TRIM48: variants seen among roughly 807,000 people sequenced by gnomAD.
TRIM48 encodes the protein E3 ubiquitin-protein ligase TRIM48.
A neutral mutation model predicts 29.5 loss-of-function variants in TRIM48; 31 were observed. That is an observed-to-expected ratio of 1.05 (90% CI 0.79 to 1.42). The LOEUF (loss-of-function observed/expected upper bound fraction) is 1.42. Ranked by LOEUF, TRIM48 falls within the 40% of genes most tolerant of loss-of-function variation. The pLI, the probability that TRIM48 is intolerant of heterozygous loss-of-function variation, is 0.00. For synonymous variants in TRIM48, 128 were observed against 90.6 expected (o/e 1.41, Z -2.34); for missense variants, 344 against 265.0 (o/e 1.30, Z -2.07).
intron 1 of TRIM48, among the ~76,000 whole-genome samples, chr11:55,263,654 C>T (rs61894885): frequency 0.055 from 8,356 of 151,998 alleles, 263 homozygotes; most frequent in Non-Finnish European, 0.062. Flanking sequence ...ACAGTGAGTC[C>T]CCACCTCAGA....
Position 55,270,568 on chromosome 11 carries a change from T to C in TRIM48, c.*133T>C. On this transcript the variant is annotated 3_prime_UTR_variant, in exon 6 of 6. Coordinates refer to ENST00000417545, the MANE Select transcript of TRIM48 (RefSeq NM_024114.5). ...TGCAACACCTACAAGTTTTCTTGCA[T>C]GGGGTGCTCAGACTTTCACCTCTGG... 2.5e-6 allele frequency: 4 copies of C among 1,583,642 alleles called. No individual in the cohort carries two copies. The highest frequency in any genetic ancestry group is 3.4e-6 in the Non-Finnish European group (4 of 1,165,860).
In TRIM48 at chr11:55,262,175, G is replaced by C. The variant is rs1857311238; in HGVS notation, c.-93G>C. On this transcript the variant is annotated 5_prime_UTR_variant, in exon 1 of 6. Transcript: ENST00000417545. Reference sequence around the variant, plus strand: ...AGCTCAGTTTTCTCCAAAGGAGAAGGAGTGCACTTAGAGGGAGCTGTGTTT... The same window carrying C: ...AGCTCAGTTTTCTCCAAAGGAGAAGCAGTGCACTTAGAGGGAGCTGTGTTT... 1 of 937,470 alleles carries C rather than the reference G, an allele frequency of 1.1e-6. No homozygotes were observed. Among genetic ancestry groups the C allele is most frequent in the East Asian group, 2.6e-5 (1 of 38,026 alleles). The allele number at this position is 937,470 out of a possible 1,614,324, so 58.1% of individuals were successfully genotyped here.
chr11:55,267,785 G>T, intron 3 of TRIM48: 1 of 1,362,838 alleles, frequency 7.3e-7, no homozygotes, highest in Non-Finnish European at 9.8e-7. Context: ...TATTGGGAGA[G>T]TATAGCCCCG....
chr11:55,262,330 G>A lies in TRIM48; in HGVS notation c.44+19G>A. ...CCCAGCGGTGAGTGAAACTTATATT[G>A]ATAAAATTATATCTTCTTTCCTTTA... On this transcript the variant is annotated intron_variant, in intron 1 of 5. Coordinates refer to ENST00000417545, the MANE Select transcript of TRIM48 (RefSeq NM_024114.5). 4.0e-6 allele frequency: 6 copies of A among 1,516,670 alleles called. No homozygotes were observed. Among genetic ancestry groups the A allele is most frequent in the Non-Finnish European group, 5.4e-6 (6 of 1,117,428 alleles). 94.0% of individuals were successfully genotyped at this position (1,516,670 alleles called of 1,614,324 possible).
rs535488100 is a variant in TRIM48 at position 55,263,237 on chromosome 11, C to T, written c.44+926C>T. 6.6e-5 allele frequency among the ~76,000 whole-genome samples: 10 copies of T among 152,168 alleles called. No homozygotes were observed. In the East Asian group the frequency reaches 1.9e-3, roughly 29 times the overall value. On this transcript the variant is annotated intron_variant, in intron 1 of 5. Transcript: ENST00000417545. ...CTGTGTTACAATTGCCTAGAGTATA[C>T]AGTATAGAACACGCTGTACAGTTTT...
At chr11:55,266,049 G>C (rs1857387658) in intron 3 of TRIM48, among the ~76,000 whole-genome samples, 1 of 147,602 alleles carries the variant, frequency 6.8e-6, no homozygotes, top group African/African-American at 2.5e-5. Flanking sequence ...GAAAGCTCAA[G>C]TGAACCTTCT....
chr11:55,264,552 A>G (rs1857357204), intron 1 of TRIM48, among the ~76,000 whole-genome samples: 1 of 147,742 alleles, frequency 6.8e-6, no homozygotes, highest in African/African-American at 2.5e-5. Flanking sequence ...TTCGGCAGTC[A>G]TATGAAAGAA....
chr11:55,265,729 CTTATGG>C (rs1857382492), intron 3 of TRIM48, 34 bp downstream of exon 3: 4 of 1,549,958 alleles, frequency 2.6e-6, no homozygotes, highest in Non-Finnish European at 2.6e-6. Context: ...TCTCCAGGAA[CTTATGG>C]TGGGCAAATG....
rs1361050286 is a variant in TRIM48, at chr11:55,270,488, G to A, written c.*53G>A. ...GCCAACAGTCATATCTTCCGATGTG[G>A]AGATTTGAGAAGCATTTGTATTGGA... is the stretch of plus-strand genomic sequence containing the variant. On this transcript the variant is annotated 3_prime_UTR_variant, in exon 6 of 6. Transcript: ENST00000417545. 1 of 1,568,028 alleles carries A rather than the reference G, an allele frequency of 6.4e-7. No homozygotes were observed. The highest frequency in any genetic ancestry group is 2.4e-5 in the East Asian group (1 of 41,132).
In TRIM48 at chr11:55,266,658, G is replaced by GA. The variant is rs1302203769; in HGVS notation, c.555+969dup. Among the ~76,000 whole-genome samples the GA allele has an allele frequency of 3.4e-5, 5 of 147,730 alleles. 1 individual carries two copies. The highest frequency in any genetic ancestry group is 2.2e-4 in the East Asian group (1 of 4,600). ...GTGTGAGTTTAAAATAGGGTGGTCA[G>GA]AAAAAAGACTCACTGAAAAATTCAA... On this transcript the variant is annotated intron_variant, in intron 3 of 5. Coordinates refer to ENST00000417545, the MANE Select transcript of TRIM48 (RefSeq NM_024114.5).
In TRIM48 at chr11:55,267,596, G is replaced by A. The variant is rs773780192; in HGVS notation, c.556-754G>A. On this transcript the variant is annotated intron_variant, in intron 3 of 5. Coordinates refer to ENST00000417545, the MANE Select transcript of TRIM48 (RefSeq NM_024114.5). ...GATTTTTAAGAGGAATGTAAGCGGA[G>A]CTGATGAAAATGTGCCATAAACCAC... The A allele has an allele frequency of 1.6e-4, 249 of 1,563,630 alleles. 21 individuals carry two copies. Among genetic ancestry groups the A allele is most frequent in the Non-Finnish European group, 2.1e-4 (242 of 1,150,590 alleles).
At chr11:55,263,171 C>A (rs934819179) in intron 1 of TRIM48, among the ~76,000 whole-genome samples, 8 of 152,078 alleles carry the variant, frequency 5.3e-5, no homozygotes, top group Non-Finnish European at 7.4e-5. Flanking sequence ...GTTTACTGCA[C>A]CTTTTCTGTA....
chr11:55,268,986 C>T (rs1340590573), intron 4 of TRIM48, among the ~76,000 whole-genome samples: 2 of 147,662 alleles, frequency 1.4e-5, no homozygotes, highest in African/African-American at 5.0e-5. Flanking sequence ...ATTCTCAAGG[C>T]CATAAGGCTA....
intron 3 of TRIM48, chr11:55,267,322 T>G: frequency 7.2e-7 from 1 of 1,390,306 alleles, no homozygotes; most frequent in South Asian, 1.4e-5. Context: ...AACTATTGGA[T>G]GTTCGAGAGA....
intron 1 of TRIM48, among the ~76,000 whole-genome samples, chr11:55,264,267 T>C (rs1857352143): frequency 6.7e-6 from 1 of 148,162 alleles, no homozygotes; most frequent in African/African-American, 2.5e-5. Flanking sequence ...CAACCTAAAT[T>C]GGTTTAATTG....
At chr11:55,269,729 G>A (rs1008197441) in intron 5 of TRIM48, among the ~76,000 whole-genome samples, 11 of 147,422 alleles carry the variant, frequency 7.5e-5, no homozygotes, top group Admixed American at 2.1e-4. Flanking sequence ...AATATAGTTC[G>A]CTGGAGATTC....
rs756936675 is a variant in TRIM48, at chr11:55,268,406, T to C, written c.578+34T>C. 7.9e-6 allele frequency: 12 copies of C among 1,528,116 alleles called. No individual in the cohort carries two copies. In the Admixed American group the frequency reaches 2.1e-4, roughly 27 times the overall value. 94.7% of individuals were successfully genotyped at this position (1,528,116 alleles called of 1,614,324 possible). ...GTACCTGGATTTTAGCATATGTTCT[T>C]TCACTTTCCACGAATATCAAAGCAG... On this transcript the variant is annotated intron_variant, in intron 4 of 5. Coordinates refer to ENST00000417545, the MANE Select transcript of TRIM48 (RefSeq NM_024114.5).
At position 55,270,750 on chromosome 11, in the gene TRIM48, C is replaced by G. The variant is rs192679935; in HGVS notation, c.*315C>G. On this transcript the variant is annotated 3_prime_UTR_variant, in exon 6 of 6. Transcript: ENST00000417545. ...TTAAGAACGACATTCAGTGCAGTCT[C>G]TTTACCACCTCCCCAATTACACTGC... 1 of 1,566,664 alleles carries G rather than the reference C, an allele frequency of 6.4e-7. No individual in the cohort carries two copies. Among genetic ancestry groups the G allele is most frequent in the Non-Finnish European group, 8.7e-7 (1 of 1,151,032 alleles).
intron 1 of TRIM48, among the ~76,000 whole-genome samples, chr11:55,263,139 C>T (rs529736964): frequency 3.3e-5 from 5 of 152,206 alleles, no homozygotes; most frequent in African/African-American, 1.2e-4. Flanking sequence ...ATGGTGGTCA[C>T]ATAAGATTAT....
Sources: gnomAD v4.1 joint callset for allele counts (sites outside exome capture counted in the v4.1 genomes callset) on GRCh38, gnomAD v4.1.1 for gene constraint, MANE v1.5 for transcripts, NCBI Gene and HGNC (gene_info 2026-07-23, HGNC 2026-07-21) for gene names.